Variants in SLC9B1 observed in about 807,000 individuals in gnomAD.
The protein encoded by SLC9B1 is solute carrier family 9 member B1.
SLC9B1 carries 32 observed loss-of-function variants against 51.7 expected under a neutral mutation model. That is an observed-to-expected ratio of 0.62 (90% CI 0.47 to 0.83). The LOEUF (loss-of-function observed/expected upper bound fraction) is 0.83, where lower values mean the gene tolerates loss of function less well. SLC9B1 is among the 40% of genes least tolerant of loss of function. SLC9B1 has a pLI of 0.00. For synonymous variants in SLC9B1, 145 were observed against 212.7 expected (o/e 0.68, Z 2.77); for missense variants, 406 against 613.2 (o/e 0.66, Z 3.57).
rs1458469241 is a variant in SLC9B1, at chr4:103,010,549, A to G, written c.-2+9050T>C. On this transcript the variant is annotated intron_variant, in intron 1 of 11. Transcript: ENST00000296422. ...CCTCAAGATTGGGTAATTTATAAAT[A>G]ACAAAAATTTATTTTGTCACAGTTC... Among the ~76,000 whole-genome samples, 10 of 152,114 alleles carry G rather than the reference A, an allele frequency of 6.6e-5. No homozygotes were observed. The East Asian group carries it at 1.9e-3, about 29-fold the overall frequency.
At chr4:103,007,879 G>C (rs1740873456) in intron 1 of SLC9B1, among the ~76,000 whole-genome samples, 1 of 152,092 alleles carries the variant, frequency 6.6e-6, no homozygotes, top group Non-Finnish European at 1.5e-5. Flanking sequence ...ATTGGGCATA[G>C]TACTATCTGT....
intron 3 of SLC9B1, among the ~76,000 whole-genome samples, chr4:102,968,987 C>T (rs996425013): frequency 1.2e-4 from 18 of 152,146 alleles, no homozygotes; most frequent in Admixed American, 3.9e-4. Context: ...GGGGGAGGGG[C>T]GTCCACCATT....
intron 7 of SLC9B1, among the ~76,000 whole-genome samples, chr4:102,918,840 T>C (rs1735718273): frequency 6.6e-6 from 1 of 152,198 alleles, no homozygotes; most frequent in Admixed American, 6.5e-5. Context: ...CTAAGGTATT[T>C]TGTTATAGCA....
intron 1 of SLC9B1, among the ~76,000 whole-genome samples, chr4:102,997,255 A>G (rs1022239286): frequency 6.6e-6 from 1 of 152,214 alleles, no homozygotes; most frequent in Non-Finnish European, 1.5e-5. Context: ...CATTGAATCT[A>G]TAGATTAATT....
chr4:102,997,357 A>C (rs1316176476), intron 1 of SLC9B1, among the ~76,000 whole-genome samples: 1 of 152,140 alleles, frequency 6.6e-6, no homozygotes, highest in Non-Finnish European at 1.5e-5. Flanking sequence ...GATCTTAATA[A>C]TTTTTTGTGT....
intron 11 of SLC9B1, chr4:102,888,599 A>T (rs1433706242): frequency 6.6e-6 from 1 of 152,270 alleles, no homozygotes; most frequent in Admixed American, 6.5e-5. Context: ...TCCTACTATT[A>T]TGAATCTTTT....
chr4:102,943,506 T>TATACACACACACACACAC (rs1553982064), intron 6 of SLC9B1, among the ~76,000 whole-genome samples: 1 of 145,484 alleles, frequency 6.9e-6, no homozygotes. Flanking sequence ...TGTGTATGTA[T>TATACACACACACACACAC]ACACACACAC....
chr4:102,930,280 A>G (rs575480729), intron 7 of SLC9B1, among the ~76,000 whole-genome samples: 342 of 152,336 alleles, frequency 2.2e-3, no homozygotes, highest in Middle Eastern at 0.014. Flanking sequence ...CTGGTAGGAC[A>G]TGATATTGTG....
At chr4:102,914,499 A>T (rs1735491359) in intron 7 of SLC9B1, among the ~76,000 whole-genome samples, 1 of 152,160 alleles carries the variant, frequency 6.6e-6, no homozygotes, top group Non-Finnish European at 1.5e-5. Context: ...ACCTTCCCAA[A>T]ATTAGTTCAT....
chr4:102,894,226 G>A (rs568110042), intron 11 of SLC9B1, among the ~76,000 whole-genome samples: 20 of 152,218 alleles, frequency 1.3e-4, no homozygotes, highest in South Asian at 8.3e-4. Context: ...AAACATAACC[G>A]TTATTTATGA....
chr4:103,004,152 G>C (rs935480807), intron 1 of SLC9B1, among the ~76,000 whole-genome samples: 2 of 152,094 alleles, frequency 1.3e-5, no homozygotes, highest in Admixed American at 1.3e-4. Context: ...TGACATTCAG[G>C]AGAAAGTTGA....
At chr4:102,899,398 T>C (rs1323907235), downstream of SLC9B1, among the ~76,000 whole-genome samples, 2 of 148,640 alleles carry the variant, frequency 1.3e-5, no homozygotes, top group Non-Finnish European at 3.0e-5. Context: ...ATCTTGTAAA[T>C]ATATATATAT....
At chr4:102,951,833 A>G (rs1737573476) in intron 3 of SLC9B1, among the ~76,000 whole-genome samples, 1 of 151,556 alleles carries the variant, frequency 6.6e-6, no homozygotes, top group Non-Finnish European at 1.5e-5. Context: ...CAAACTTTAC[A>G]GAATTGATTA....
intron 3 of SLC9B1, among the ~76,000 whole-genome samples, chr4:102,981,646 A>G (rs1389294344): frequency 4.6e-5 from 7 of 152,056 alleles, no homozygotes. Context: ...TGCCATCTGT[A>G]TATCTTATTT....
intron 11 of SLC9B1, chr4:102,888,054 CTGTGTGTGTGTGTG>C (rs35045951): frequency 1.1e-4 from 16 of 148,188 alleles, no homozygotes; most frequent in African/African-American, 4.0e-4. Context: ...AGGCTTGTGT[CTGTGTGTGTGTGTG>C]TGTGTGTGTG....
intron 6 of SLC9B1, among the ~76,000 whole-genome samples, chr4:102,943,442 T>A (rs1276219511): frequency 6.6e-6 from 1 of 151,554 alleles, no homozygotes; most frequent in Non-Finnish European, 1.5e-5. Context: ...TGCCCATCAA[T>A]CAATGAATGC....
chr4:103,019,576 G>A, intron 1 of SLC9B1, 23 bp downstream of exon 1: 2 of 985,296 alleles, frequency 2.0e-6, no homozygotes, highest in Non-Finnish European at 2.4e-6. Flanking sequence ...TGGAAGGGCG[G>A]CGTTAAGAAA....
intron 3 of SLC9B1, among the ~76,000 whole-genome samples, chr4:102,967,622 C>T (rs1384298193): frequency 1.3e-5 from 2 of 152,102 alleles, no homozygotes; most frequent in Non-Finnish European, 2.9e-5. Context: ...GTAACTAATC[C>T]ATTCCTGAGA....
intron 3 of SLC9B1, 93 bp from the exon 4 acceptor site, chr4:102,949,520 G>A: frequency 2.1e-6 from 2 of 969,544 alleles, no homozygotes; most frequent in South Asian, 6.6e-5. Flanking sequence ...TATACTAATA[G>A]CCAGTTTTAT....
Sources: allele counts gnomAD v4.1 joint callset (sites outside exome capture counted in the v4.1 genomes callset), GRCh38; gene constraint gnomAD v4.1.1; transcripts MANE v1.5; gene names NCBI Gene and HGNC (gene_info 2026-07-23, HGNC 2026-07-21).